The following CTNNA2 variants were observed in gnomAD, a reference collection of about 807,000 sequenced individuals.
CTNNA2 encodes catenin alpha 2.
CTNNA2 carries 42 observed loss-of-function variants against 101.0 expected under a neutral mutation model. That is an observed-to-expected ratio of 0.42 (90% CI 0.32 to 0.54). The LOEUF (loss-of-function observed/expected upper bound fraction) is 0.54. Among genes scored for constraint, CTNNA2 ranks in the 20% least tolerant of loss-of-function variants. The pLI, the probability that CTNNA2 is intolerant of heterozygous loss-of-function variation, is 0.14. For synonymous variants in CTNNA2, 450 were observed against 456.4 expected, an observed-to-expected ratio of 0.99 and a Z score of 0.18; for missense variants, 871 against 1,223.1, an observed-to-expected ratio of 0.71 and a Z score of 4.29.
At chr2:80,470,735 A>G (rs1685233098) in intron 9 of CTNNA2, among the ~76,000 whole-genome samples, 1 of 152,206 alleles carries the variant, frequency 6.6e-6, no homozygotes, top group African/African-American at 2.4e-5. Context: ...AGGAATAGAG[A>G]AAGCATACAG....
chr2:79,962,867 C>T (rs932080603), intron 7 of CTNNA2, among the ~76,000 whole-genome samples: 1 of 151,954 alleles, frequency 6.6e-6, no homozygotes, highest in Non-Finnish European at 1.5e-5. Flanking sequence ...GTCAGGAGAT[C>T]GAGACCATCC....
chr2:79,354,179 T>A (rs1460103369), intron 3 of CTNNA2, among the ~76,000 whole-genome samples: 2 of 152,144 alleles, frequency 1.3e-5, no homozygotes, highest in Non-Finnish European at 2.9e-5. Context: ...TTATAGTATC[T>A]CACAAGGGTT....
At chr2:79,730,356 G>T (rs1041128596) in intron 2 of CTNNA2, among the ~76,000 whole-genome samples, 2 of 152,146 alleles carry the variant, frequency 1.3e-5, no homozygotes, top group South Asian at 2.1e-4. Context: ...TTTAATTCTA[G>T]AGTAGAAACT....
chr2:80,566,175 CG>C (rs1694046920), intron 12 of CTNNA2, among the ~76,000 whole-genome samples: 2 of 152,148 alleles, frequency 1.3e-5, no homozygotes. Context: ...TAACTTGCCA[CG>C]TGGGCTTTTC....
intron 1 of CTNNA2, among the ~76,000 whole-genome samples, chr2:79,603,551 G>A (rs1677685852): frequency 6.6e-6 from 1 of 151,474 alleles, no homozygotes; most frequent in African/African-American, 2.4e-5. Flanking sequence ...AATAATGGAA[G>A]CAATCTCATA....
At chr2:79,458,097 G>A (rs1670844332) in intron 4 of CTNNA2, among the ~76,000 whole-genome samples, 1 of 152,160 alleles carries the variant, frequency 6.6e-6, no homozygotes, top group South Asian at 2.1e-4. Flanking sequence ...ATAGAATTAA[G>A]CATCTCAGGA....
chr2:80,026,859 C>CA (rs997109140), intron 7 of CTNNA2, among the ~76,000 whole-genome samples: 5 of 152,080 alleles, frequency 3.3e-5, no homozygotes, highest in African/African-American at 1.2e-4. Context: ...TTTATAGTTT[C>CA]AAAAATGTTT....
At chr2:79,334,777 CT>C (rs893989354) in intron 3 of CTNNA2, among the ~76,000 whole-genome samples, 1 of 152,114 alleles carries the variant, frequency 6.6e-6, no homozygotes, top group Non-Finnish European at 1.5e-5. Context: ...TCATTGCACC[CT>C]TCTGTCCTTC....
intron 1 of CTNNA2, among the ~76,000 whole-genome samples, chr2:79,527,474 C>CAAAAAAAAAAAAAAAAAAA: frequency 1.2e-5 from 1 of 85,234 alleles, no homozygotes. Flanking sequence ...ACTAAAAATA[C>CAAAAAAAAAAAAAAAAAAA]AAAAAAAAAA....
chr2:79,909,153 C>T (rs1184625371), intron 6 of CTNNA2, among the ~76,000 whole-genome samples: 3 of 121,710 alleles, frequency 2.5e-5, no homozygotes, highest in Non-Finnish European at 5.1e-5. Context: ...ATCTGCTTCT[C>T]ATGAGGAGGA....
intron 9 of CTNNA2, among the ~76,000 whole-genome samples, chr2:80,446,357 G>T (rs1683069363): frequency 1.3e-5 from 2 of 152,142 alleles, no homozygotes; most frequent in Admixed American, 1.3e-4. Context: ...ACCACACATA[G>T]AAACACACTA....
At chr2:79,849,715 T>C (rs1051908987) in intron 3 of CTNNA2, among the ~76,000 whole-genome samples, 5 of 152,144 alleles carry the variant, frequency 3.3e-5, no homozygotes, top group African/African-American at 1.2e-4. Context: ...CTTTAGCAAA[T>C]GTTTTGGTTT....
chr2:79,834,210 A>C (rs1679139917), intron 3 of CTNNA2, among the ~76,000 whole-genome samples: 1 of 152,130 alleles, frequency 6.6e-6, no homozygotes, highest in South Asian at 2.1e-4. Flanking sequence ...AGTGACACTA[A>C]TTTGTTTTTA....
chr2:80,645,072 G>A (rs3770383), intron 18 of CTNNA2, among the ~76,000 whole-genome samples: 3 of 151,896 alleles, frequency 2.0e-5, no homozygotes, highest in Non-Finnish European at 2.9e-5. Flanking sequence ...AATAATACAA[G>A]AGCAATATCA....
intron 7 of CTNNA2, among the ~76,000 whole-genome samples, chr2:80,104,131 G>A (rs948602819): frequency 6.6e-6 from 1 of 152,204 alleles, no homozygotes; most frequent in Non-Finnish European, 1.5e-5. Flanking sequence ...TCTCAGGCAT[G>A]TTGGGGGGAT....
Position 79,683,058 on chromosome 2 carries a change from A to C in CTNNA2, c.102+31400A>C, listed in dbSNP as rs1360871253. The stretch of plus-strand genomic sequence containing the variant: ...GAAATGACTTGATTGGTTCTTTACA[A>C]TTTGGTGATTGTGTTAGTACTTCCT... On this transcript the variant is annotated intron_variant, in intron 2 of 18. Coordinates refer to ENST00000402739, the MANE Select transcript of CTNNA2 (RefSeq NM_001282597.3). 3.3e-5 allele frequency among the ~76,000 whole-genome samples: 5 copies of C among 152,320 alleles called. No individual in the cohort carries two copies. The East Asian group carries it at 9.6e-4, about 29-fold the overall frequency.
At chr2:80,551,361 A>C (rs758167504) in intron 11 of CTNNA2, among the ~76,000 whole-genome samples, 5 of 152,200 alleles carry the variant, frequency 3.3e-5, no homozygotes. Context: ...AATCAACTGT[A>C]TTAGCCACTA....
intron 4 of CTNNA2, among the ~76,000 whole-genome samples, chr2:79,490,957 A>G (rs1041388853): frequency 2.6e-5 from 4 of 152,190 alleles, no homozygotes; most frequent in African/African-American, 9.7e-5. Flanking sequence ...AGAAGTGGTT[A>G]TATGCATTGT....
At chr2:80,405,763 T>G (rs1678994691) in intron 8 of CTNNA2, among the ~76,000 whole-genome samples, 1 of 152,194 alleles carries the variant, frequency 6.6e-6, no homozygotes, top group African/African-American at 2.4e-5. Context: ...GGATTGTGCC[T>G]GAGCATTCCA....
Sources: gnomAD v4.1 joint callset for allele counts (sites outside exome capture counted in the v4.1 genomes callset) on GRCh38, gnomAD v4.1.1 for gene constraint, MANE v1.5 for transcripts, NCBI Gene and HGNC (gene_info 2026-07-23, HGNC 2026-07-21) for gene names.